Variants in SPAG1 observed in about 807,000 individuals in gnomAD.
SPAG1 encodes the protein sperm-associated antigen 1.
Under a neutral mutation model 100.5 loss-of-function variants are expected in SPAG1, and 69 were observed. That is an observed-to-expected ratio of 0.69 (90% CI 0.57 to 0.84). The LOEUF is 0.84. SPAG1 is among the 40% of genes least tolerant of loss of function. SPAG1 has a pLI of 0.00. For missense variants in SPAG1, 955 were observed against 1,133.1 expected (o/e 0.84, Z 2.26); for synonymous variants, 336 against 411.6 (o/e 0.82, Z 2.22).
chr8:100,213,467 C>A, intron 11 of SPAG1, 39 bp downstream of exon 11: 1 of 1,357,476 alleles, frequency 7.4e-7, no homozygotes, highest in Non-Finnish European at 9.5e-7. Context: ...GGGCCCCTCG[C>A]GCTGCGGTTC....
chr8:100,224,489 C>G (rs1051306279), intron 13 of SPAG1, among the ~76,000 whole-genome samples: 1 of 152,154 alleles, frequency 6.6e-6, no homozygotes, highest in African/African-American at 2.4e-5. Context: ...TTGCAGTGAA[C>G]CGAGGTCGCA....
intron 3 of SPAG1, among the ~76,000 whole-genome samples, chr8:100,176,427 G>A (rs1166298300): frequency 6.6e-6 from 1 of 150,504 alleles, no homozygotes; most frequent in African/African-American, 2.5e-5. Flanking sequence ...GTGCAGTGGT[G>A]CAATCTCGGC....
At position 100,213,043 on chromosome 8, in the gene SPAG1, G is replaced by A. The variant is rs12216805; in HGVS notation, c.1097-47G>A. The A allele has an allele frequency of 5.6e-3, 7,778 of 1,379,802 alleles. 22 individuals carry two copies. Among genetic ancestry groups the A allele is most frequent in the Non-Finnish European group, 6.6e-3 (7,002 of 1,067,052 alleles). 85.5% of individuals were successfully genotyped at this position (1,379,802 alleles called of 1,614,324 possible). A position where few individuals can be genotyped will look rare whatever the true frequency, so the allele number is the denominator to read the frequency against. On this transcript the variant is annotated intron_variant, in intron 10 of 18. Coordinates refer to ENST00000388798, the MANE Select transcript of SPAG1 (RefSeq NM_003114.5). ...GGCCTCCGCGGCCTCCGCGGCAACT[G>A]CTCCCGGTGATGCAAACCCTCACTT...
chr8:100,172,173 GTTT>G (rs1273407636), intron 3 of SPAG1, among the ~76,000 whole-genome samples: 1 of 151,976 alleles, frequency 6.6e-6, no homozygotes, highest in Non-Finnish European at 1.5e-5. Context: ...TGTGTGTGGT[GTTT>G]TTTATTTTTT....
chr8:100,194,472 C>G (rs1487629710), intron 10 of SPAG1: 1 of 673,416 alleles, frequency 1.5e-6, no homozygotes, highest in Non-Finnish European at 2.5e-6. Context: ...TAACCTGTCA[C>G]CTTTTTCTAG....
chr8:100,237,190 C>A (rs973541099), intron 16 of SPAG1, among the ~76,000 whole-genome samples: 1 of 152,160 alleles, frequency 6.6e-6, no homozygotes, highest in Admixed American at 6.5e-5. Context: ...AAGCAATTCT[C>A]CTGCTTCAGC....
At chr8:100,224,318 G>C (rs1395382545) in intron 13 of SPAG1, among the ~76,000 whole-genome samples, 1 of 152,156 alleles carries the variant, frequency 6.6e-6, no homozygotes, top group Non-Finnish European at 1.5e-5. Context: ...GGTAGGCTGA[G>C]ATCACCTGAG....
chr8:100,223,621 TTTC>T (rs552889585), intron 13 of SPAG1, among the ~76,000 whole-genome samples: 101 of 151,920 alleles, frequency 6.6e-4, no homozygotes, highest in Non-Finnish European at 1.2e-3. Flanking sequence ...ATTTATTTTG[TTTC>T]TGTCTTCCAT....
chr8:100,188,081 C>T (rs541434333), intron 8 of SPAG1, among the ~76,000 whole-genome samples: 58 of 152,286 alleles, frequency 3.8e-4, no homozygotes, highest in African/African-American at 1.3e-3. Context: ...TCTTGAACTC[C>T]TGACCTCAGG....
intron 4 of SPAG1, among the ~76,000 whole-genome samples, chr8:100,181,581 T>C (rs1003250143): frequency 2.0e-5 from 3 of 152,230 alleles, no homozygotes; most frequent in Non-Finnish European, 4.4e-5. Flanking sequence ...GCAGGGCCTT[T>C]CTTCCTCCAA....
At position 100,177,948 on chromosome 8, in the gene SPAG1, T is replaced by C; in HGVS notation, c.426+7T>C. 2 of 1,607,510 alleles carry C rather than the reference T, an allele frequency of 1.2e-6. No individual in the cohort carries two copies. The highest frequency in any genetic ancestry group is 1.7e-6 in the Non-Finnish European group (2 of 1,176,734). ...CTGTCTTCATGTAGGCAAGGTAGGC[T>C]TCTTTGATATCTTTGTGGGTGGTAG... On this transcript the variant is annotated splice_region_variant and intron_variant, in intron 4 of 18. Transcript: ENST00000388798.
At chr8:100,230,328 T>G (rs573728173) in intron 14 of SPAG1, among the ~76,000 whole-genome samples, 2 of 152,338 alleles carry the variant, frequency 1.3e-5, no homozygotes, top group Middle Eastern at 3.4e-3. Context: ...CATTGACTGG[T>G]TCTGTCGTAT....
At chr8:100,186,101 T>C (rs1381443175) in intron 7 of SPAG1, among the ~76,000 whole-genome samples, 2 of 139,132 alleles carry the variant, frequency 1.4e-5, no homozygotes, top group East Asian at 4.4e-4. Flanking sequence ...GGTCTCACTC[T>C]GTTATCCAGG....
In SPAG1 at chr8:100,241,636, C is replaced by CT. The variant is rs974431430; in HGVS notation, c.*619dup. The CT allele has an allele frequency of 3.3e-5, 5 of 152,154 alleles. No individual in the cohort carries two copies. The highest frequency in any genetic ancestry group is 2.0e-4 in the Admixed American group (3 of 15,278). 9.4% of individuals were successfully genotyped at this position (152,154 alleles called of 1,614,324 possible). On this transcript the variant is annotated 3_prime_UTR_variant, in exon 19 of 19. Coordinates refer to ENST00000388798, the MANE Select transcript of SPAG1 (RefSeq NM_003114.5). This position sits in a 1 kb window ranked among gnomAD's most constrained non-coding sequence, Gnocchi z 5.1. ...CAAAAATTGCCAAAAATTTCTACCA[C>CT]TTTTTACTAGATTTTAAAAAGCTAC...
chr8:100,202,686 G>A (rs1351022761), intron 10 of SPAG1, among the ~76,000 whole-genome samples: 2 of 138,418 alleles, frequency 1.4e-5, no homozygotes, highest in Non-Finnish European at 3.1e-5. Flanking sequence ...CTCCAGCCTG[G>A]GCGACAGAGC....
intron 10 of SPAG1, among the ~76,000 whole-genome samples, chr8:100,199,021 T>C (rs1344103356): frequency 2.0e-5 from 3 of 152,150 alleles, no homozygotes; most frequent in Non-Finnish European, 2.9e-5. Context: ...TATTCACCAG[T>C]TGATGGACCT....
rs138359646 is a variant in SPAG1 at position 100,170,800 on chromosome 8, C to CATTTATTT, written c.300+4872_300+4879dup. On this transcript the variant is annotated intron_variant, in intron 3 of 18. Coordinates refer to ENST00000388798, the MANE Select transcript of SPAG1 (RefSeq NM_003114.5). ...GAGATGTGCTTCTTTTCCAGTCTGC[C>CATTTATTT]ATTTATTTATTTATTTATTTATTTA... is the stretch of plus-strand genomic sequence containing the variant. 1.9e-3 allele frequency among the ~76,000 whole-genome samples: 213 copies of CATTTATTT among 113,562 alleles called. 1 individual carries two copies. The highest frequency in any genetic ancestry group is 7.5e-3 in the East Asian group (23 of 3,054). The allele number at this position is 113,562 out of a possible 152,430, so 74.5% of individuals were successfully genotyped here. A position where few individuals can be genotyped will look rare whatever the true frequency, so the allele number is the denominator to read the frequency against.
intron 4 of SPAG1, among the ~76,000 whole-genome samples, chr8:100,181,794 A>G (rs1816376274): frequency 6.6e-6 from 1 of 152,202 alleles, no homozygotes; most frequent in African/African-American, 2.4e-5. Context: ...TCATTTGATG[A>G]CATTGCAAAG....
At chr8:100,238,357 G>A (rs1360743756) in intron 16 of SPAG1, among the ~76,000 whole-genome samples, 3 of 152,190 alleles carry the variant, frequency 2.0e-5, no homozygotes, top group Non-Finnish European at 4.4e-5. Flanking sequence ...TGGGATTACA[G>A]CTAGGCCCCC....
Sources: allele counts gnomAD v4.1 joint callset (sites outside exome capture counted in the v4.1 genomes callset), GRCh38; gene constraint gnomAD v4.1.1; non-coding constraint Gnocchi (gnomAD v3.1); transcripts MANE v1.5; gene names NCBI Gene and HGNC (gene_info 2026-07-23, HGNC 2026-07-21).